Variants in FBXO34 observed in about 807,000 individuals in gnomAD.
The protein encoded by FBXO34 is F-box protein 34.
A neutral mutation model predicts 24.5 loss-of-function variants in FBXO34; 12 were observed. The observed-to-expected ratio is 0.49, with a 90% CI of 0.31 to 0.79. The LOEUF is 0.79. Ranked by LOEUF, FBXO34 falls within the 30% of genes least tolerant of loss-of-function variation. The pLI, the probability that FBXO34 is intolerant of heterozygous loss-of-function variation, is 0.04. For synonymous variants in FBXO34, 320 were observed against 311.9 expected, an observed-to-expected ratio of 1.03 and a Z score of -0.27; for missense variants, 823 against 857.7, an observed-to-expected ratio of 0.96 and a Z score of 0.51.
intron 1 of FBXO34, among the ~76,000 whole-genome samples, chr14:55,291,917 C>T (rs1396254669): frequency 6.6e-6 from 1 of 152,010 alleles, no homozygotes; most frequent in Non-Finnish European, 1.5e-5. Context: ...AGTGGGCTGT[C>T]ATTGCACCAC....
At chr14:55,427,590 T>G in the FBXO34 span, among the ~76,000 whole-genome samples, 5 of 152,074 alleles carry the variant, frequency 3.3e-5, no homozygotes, top group Non-Finnish European at 7.4e-5. Context: ...CATCTGTGAT[T>G]AACCCAGGCC....
chr14:55,304,483 C>T (rs969836150), intron 1 of FBXO34, among the ~76,000 whole-genome samples: 12 of 151,214 alleles, frequency 7.9e-5, no homozygotes, highest in East Asian at 2.0e-4. Flanking sequence ...TGAGCCATAG[C>T]AGCCAGCCAG....
At chr14:55,378,186 C>T in the FBXO34 span, 1 of 812,824 alleles carries the variant, frequency 1.2e-6, no homozygotes, top group East Asian at 2.7e-5. Flanking sequence ...CCTTTTACTC[C>T]TTAGTAAATT....
chr14:55,371,529 G>A (rs1046609730), downstream of FBXO34, among the ~76,000 whole-genome samples: 4 of 151,392 alleles, frequency 2.6e-5, no homozygotes, highest in Admixed American at 6.6e-5. Context: ...CCCTCAGGCC[G>A]GGCGCGGTGG....
chr14:55,292,432 T>A (rs1459462980), intron 1 of FBXO34, among the ~76,000 whole-genome samples: 1 of 152,076 alleles, frequency 6.6e-6, no homozygotes, highest in Non-Finnish European at 1.5e-5. Flanking sequence ...CCAACACAGC[T>A]CACTGCAGCC....
At chr14:55,396,863 C>A in the FBXO34 span, among the ~76,000 whole-genome samples, 4 of 152,092 alleles carry the variant, frequency 2.6e-5, no homozygotes, top group Admixed American at 6.5e-5. Flanking sequence ...ACAAAAAAAA[C>A]AAACCTCAGA....
At chr14:55,370,702 C>T (rs1027382104), downstream of FBXO34, among the ~76,000 whole-genome samples, 4 of 151,816 alleles carry the variant, frequency 2.6e-5, no homozygotes, top group African/African-American at 7.3e-5. Context: ...AGTGCAGTGG[C>T]GCCATCTTGG....
chr14:55,407,057 G>A, the FBXO34 span, among the ~76,000 whole-genome samples: 1 of 151,734 alleles, frequency 6.6e-6, no homozygotes. Flanking sequence ...TGCCTCCCAG[G>A]TTCAAGCAAT....
chr14:55,300,165 C>T (rs1375962880), intron 1 of FBXO34, among the ~76,000 whole-genome samples: 1 of 152,080 alleles, frequency 6.6e-6, no homozygotes, highest in Non-Finnish European at 1.5e-5. Context: ...TGGTTTAAAT[C>T]AGGATCCATA....
intron 1 of FBXO34, among the ~76,000 whole-genome samples, chr14:55,321,203 G>C (rs772672341): frequency 6.7e-6 from 1 of 148,228 alleles, no homozygotes; most frequent in Non-Finnish European, 1.5e-5. Context: ...TCAAAAAATA[G>C]ATGATACTTA....
chr14:55,282,016 G>C (rs1443951824), intron 1 of FBXO34, among the ~76,000 whole-genome samples: 1 of 10,546 alleles, frequency 9.5e-5, no homozygotes, highest in African/African-American at 5.1e-4. Flanking sequence ...TTTTTTTTTT[G>C]ATACAGAGTC....
the FBXO34 span, chr14:55,411,525 C>T: frequency 7.1e-7 from 1 of 1,417,636 alleles, no homozygotes. Flanking sequence ...GACGGGGAGC[C>T]CCAGGTTCCA....
chr14:55,439,617 C>CCCCCCCGCCCCG, the FBXO34 span, among the ~76,000 whole-genome samples: 16 of 72,628 alleles, frequency 2.2e-4, 3 homozygotes, highest in Admixed American at 2.6e-3. Flanking sequence ...AAAGCAAACC[C>CCCCCCCGCCCCG]CCCCCCGTCT....
chr14:55,411,595 G>A, the FBXO34 span: 109 of 1,602,736 alleles, frequency 6.8e-5, no homozygotes, highest in Middle Eastern at 1.7e-4. Context: ...CGTGGCGGCC[G>A]CCGTACCTCT....
chr14:55,338,048 C>CTTTTTTTTTTTTTTTTGTTTT (rs1883847405), intron 1 of FBXO34, among the ~76,000 whole-genome samples: 1 of 88,266 alleles, frequency 1.1e-5, no homozygotes, highest in African/African-American at 4.8e-5. Context: ...GTATGTACTT[C>CTTTTTTTTTTTTTTTTGTTTT]TTTTTTTTTT....
chr14:55,411,676 G>A, the FBXO34 span: 11 of 1,613,322 alleles, frequency 6.8e-6, no homozygotes, highest in African/African-American at 1.3e-5. Context: ...GCCGCCGGCG[G>A]GTAGTGTTGC....
the FBXO34 span, among the ~76,000 whole-genome samples, chr14:55,408,284 C>T: frequency 6.6e-6 from 1 of 152,020 alleles, no homozygotes; most frequent in Non-Finnish European, 1.5e-5. Flanking sequence ...AAAACCCTGT[C>T]TTTACAAAAA....
chr14:55,439,136 G>A, the FBXO34 span, among the ~76,000 whole-genome samples: 3,706 of 151,898 alleles, frequency 0.024, 112 homozygotes, highest in African/African-American at 0.062. Flanking sequence ...GCGAAGTTTC[G>A]CCATGTTGGC....
At chr14:55,439,982 C>A in the FBXO34 span, among the ~76,000 whole-genome samples, 1 of 145,624 alleles carries the variant, frequency 6.9e-6, no homozygotes, top group Non-Finnish European at 1.5e-5. Flanking sequence ...TGCCTGAAAT[C>A]CCAGCTACAC....
Sources: gnomAD v4.1 joint callset for allele counts (sites outside exome capture counted in the v4.1 genomes callset) on GRCh38, gnomAD v4.1.1 for gene constraint, MANE v1.5 for transcripts, NCBI Gene and HGNC (gene_info 2026-07-23, HGNC 2026-07-21) for gene names.